The following UBAP2L variants were observed in gnomAD, a reference collection of about 807,000 sequenced individuals.
UBAP2L encodes ubiquitin associated protein 2 like.
In UBAP2L, 12 loss-of-function variants were observed where a neutral mutation model predicts 130.6. The ratio of observed to expected loss-of-function variants is 0.09; its 90% CI spans 0.06 to 0.15. The LOEUF is 0.15. Ranked by LOEUF, UBAP2L falls within the 10% of genes least tolerant of loss-of-function variation. UBAP2L has a pLI of 1.00. For synonymous variants in UBAP2L, 503 were observed against 524.7 expected (o/e 0.96, Z 0.57); for missense variants, 965 against 1,332.5 (o/e 0.72, Z 4.29).
chr1:154,237,003 C>G, intron 7 of UBAP2L, 21 bp from the exon 8 acceptor site: 1 of 1,600,646 alleles, frequency 6.2e-7, no homozygotes, highest in Non-Finnish European at 8.6e-7. Context: ...GTCAGAGACT[C>G]TTAAGTTTTA....
chr1:154,253,012 T>C (rs910102309), intron 14 of UBAP2L, among the ~76,000 whole-genome samples: 6 of 152,098 alleles, frequency 3.9e-5, no homozygotes, highest in African/African-American at 1.4e-4. Context: ...TTAGCCACTT[T>C]TTTATTTTGA....
intron 12 of UBAP2L, among the ~76,000 whole-genome samples, chr1:154,250,661 C>T (rs1372984560): frequency 6.6e-6 from 1 of 152,034 alleles, no homozygotes; most frequent in Non-Finnish European, 1.5e-5. Context: ...CGAGACCAGC[C>T]TGGCCAACAT....
Position 154,251,518 on chromosome 1 carries a change from A to G in UBAP2L, c.1529A>G (p.Asp510Gly). The G allele has an allele frequency of 1.2e-6, 2 of 1,614,004 alleles. No individual in the cohort carries two copies. The highest frequency in any genetic ancestry group is 1.7e-6 in the Non-Finnish European group (2 of 1,180,000). ...GCTGTGGAGATGCCTGGCTCAGCAG[A>G]TATCTCAGGGCTAAACCTGCAGTTT... Reference protein sequence around the residue: ...ALAVEMPGSADISGLNLQFGA... With the variant: ...ALAVEMPGSAGISGLNLQFGA... The change falls in exon 14 of 27, where the codon GAT becomes GGT. Residue 510 changes from aspartate to glycine, a missense_variant. This residue lies in a region of UBAP2L where 393 missense variants were observed against 408.1 expected (regional missense o/e 0.96). Coordinates refer to ENST00000428931, the MANE Select transcript of UBAP2L (RefSeq NM_014847.4).
intron 10 of UBAP2L, among the ~76,000 whole-genome samples, chr1:154,245,460 A>C (rs982990377): frequency 1.3e-4 from 20 of 152,220 alleles, no homozygotes; most frequent in African/African-American, 4.3e-4. Context: ...GGGAAAAAAT[A>C]TCTCTCAGAC....
In UBAP2L at chr1:154,249,284, G is replaced by C. The variant is rs1432416157; in HGVS notation, c.1060G>C (p.Gly354Arg). 1.9e-6 allele frequency: 3 copies of C among 1,614,046 alleles called. No individual in the cohort carries two copies. Among genetic ancestry groups the C allele is most frequent in the Non-Finnish European group, 2.5e-6 (3 of 1,180,046 alleles). ...KGFGDVGEAKGGSTTGSQFLE... is the reference protein window; with the variant it reads ...KGFGDVGEAKRGSTTGSQFLE... Reference sequence around the variant, plus strand: ...ATTTGGTGATGTCGGTGAAGCTAAAGGCGGCAGTACTACAGGCTCCCAGTT... The same window carrying C: ...ATTTGGTGATGTCGGTGAAGCTAAACGCGGCAGTACTACAGGCTCCCAGTT... The change falls in exon 12 of 27, where the codon GGC becomes CGC. Residue 354 changes from glycine to arginine, a missense_variant. Physicochemically the swap from Gly to Arg is moderately radical, Grantham distance 125 (BLOSUM62 -2). This residue lies in a region of UBAP2L where 99 missense variants were observed against 106.4 expected (regional missense o/e 0.93). Transcript: ENST00000428931.
intron 23 of UBAP2L, 140 bp downstream of exon 23, chr1:154,261,249 C>T (rs967155831): frequency 2.0e-6 from 2 of 1,022,094 alleles, no homozygotes; most frequent in Admixed American, 2.8e-5. Context: ...TGGCCTGATG[C>T]AGGGTGGTGG....
At chr1:154,269,529 C>G in intron 26 of UBAP2L, 2 of 796,958 alleles carry the variant, frequency 2.5e-6, no homozygotes, top group Non-Finnish European at 3.7e-6. Context: ...TACACAAACA[C>G]AAACACCTTG....
At chr1:154,254,804 T>A (rs1679061684) in intron 15 of UBAP2L, 32 bp from the exon 16 acceptor site, 1 of 1,580,362 alleles carries the variant, frequency 6.3e-7, no homozygotes, top group Admixed American at 1.8e-5. Context: ...TTTGTCTGTT[T>A]CTTGCTCTTC....
At chr1:154,254,569 G>A in intron 15 of UBAP2L, 1 of 542,028 alleles carries the variant, frequency 1.8e-6, no homozygotes, top group Non-Finnish European at 3.2e-6. Flanking sequence ...TCTGTTTTAG[G>A]TTTGGGGTGT....
chr1:154,253,383 A>G (rs1324812449), intron 14 of UBAP2L, among the ~76,000 whole-genome samples: 1 of 123,778 alleles, frequency 8.1e-6, no homozygotes, highest in Non-Finnish European at 1.7e-5. Flanking sequence ...TGTTTTTAAG[A>G]TTTTTTTTTT....
chr1:154,258,756 G>A (rs1429474125), intron 20 of UBAP2L: 3 of 463,726 alleles, frequency 6.5e-6, no homozygotes, highest in Non-Finnish European at 1.2e-5. Flanking sequence ...ACTAGAATCA[G>A]TAGTATTTAG....
At chr1:154,248,125 G>A (rs1025080119) in intron 11 of UBAP2L, among the ~76,000 whole-genome samples, 1 of 151,866 alleles carries the variant, frequency 6.6e-6, no homozygotes, top group Admixed American at 6.6e-5. Context: ...CCGCCACCAC[G>A]CTTGGCTAAT....
upstream of UBAP2L, chr1:154,220,676 G>A (rs569546904): frequency 9.7e-6 from 5 of 516,468 alleles, no homozygotes; most frequent in African/African-American, 3.9e-5. Flanking sequence ...GCGGAACTAC[G>A]ACAGTAAGAG....
At chr1:154,247,968 A>ATTTTT (rs201114755) in intron 11 of UBAP2L, among the ~76,000 whole-genome samples, 3 of 147,350 alleles carry the variant, frequency 2.0e-5, no homozygotes, top group Admixed American at 6.9e-5. Flanking sequence ...TTTTTTATTT[A>ATTTTT]TTTTTTATTT....
Position 154,255,741 on chromosome 1 carries a change from A to G in UBAP2L, c.2143A>G (p.Thr715Ala). 1 of 1,614,126 alleles carries G rather than the reference A, an allele frequency of 6.2e-7. No individual in the cohort carries two copies. The highest frequency in any genetic ancestry group is 8.5e-7 in the Non-Finnish European group (1 of 1,180,024). The stretch of plus-strand genomic sequence containing the variant: ...ATCAACATCTTCTGGGCGCACTTCG[A>G]CATCCACTCTTTTGGTAAGTGTGAT... ...SSSTSSGRTS[T>A]STLLHTSVES... The change falls in exon 18 of 27, where the codon ACA becomes GCA. Residue 715 changes from threonine to alanine, a missense_variant. This residue lies in a region of UBAP2L where 393 missense variants were observed against 408.1 expected (regional missense o/e 0.96). Coordinates refer to ENST00000428931, the MANE Select transcript of UBAP2L (RefSeq NM_014847.4).
rs1430821995 is a variant in UBAP2L, at chr1:154,251,297, A to G, written c.1470A>G (p.Lys490=). The change falls in exon 13 of 27, where the codon AAA becomes AAG. Residue 490 remains lysine, a synonymous_variant. Transcript: ENST00000428931. ...AGCAGAAACTGAAACAGCAGAAGAA[A>G]AAAGCCTCCTTGACTTCTAAGGTAC... ...PAQQKLKQQK[K]KASLTSKIPA... The G allele has an allele frequency of 6.2e-7, 1 of 1,613,386 alleles. No individual in the cohort carries two copies. The highest frequency in any genetic ancestry group is 1.3e-5 in the African/African-American group (1 of 74,892).
chr1:154,271,071 C>A, downstream of UBAP2L: 3 of 900,982 alleles, frequency 3.3e-6, no homozygotes, highest in Non-Finnish European at 4.9e-6. Context: ...AAGACTTTCA[C>A]AACCTGGTGA....
At chr1:154,224,306 A>G (rs948632994) in intron 1 of UBAP2L, among the ~76,000 whole-genome samples, 6 of 152,312 alleles carry the variant, frequency 3.9e-5, no homozygotes, top group Non-Finnish European at 7.3e-5. Context: ...TTCCCTGTAT[A>G]TTAAGGTGAG....
chr1:154,244,731 G>A (rs778539633), intron 10 of UBAP2L, among the ~76,000 whole-genome samples: 13 of 152,106 alleles, frequency 8.5e-5, no homozygotes, highest in Non-Finnish European at 1.5e-4. Flanking sequence ...AGGTATGAAT[G>A]GGTATGTGGG....
Sources: gnomAD v4.1 joint callset for allele counts (sites outside exome capture counted in the v4.1 genomes callset) on GRCh38, gnomAD v4.1.1 for gene constraint, gnomAD v4.1.1 regional missense constraint, MANE v1.5 for transcripts, NCBI Gene and HGNC (gene_info 2026-07-23, HGNC 2026-07-21) for gene names.